The following WASHC2A variants were observed in gnomAD, a reference collection of about 807,000 sequenced individuals.
WASHC2A encodes WASH complex subunit FAM21A.
WASHC2A carries 82 observed loss-of-function variants against 140.3 expected under a neutral mutation model. The ratio of observed to expected loss-of-function variants is 0.58; its 90% CI spans 0.49 to 0.70. The LOEUF (loss-of-function observed/expected upper bound fraction) is 0.70, where lower values mean the gene tolerates loss of function less well. Ranked by LOEUF, WASHC2A falls within the 30% of genes least tolerant of loss-of-function variation. The pLI is 0.00. For missense variants in WASHC2A, 985 were observed against 1,521.8 expected (o/e 0.65, Z 5.87); for synonymous variants, 340 against 560.8 (o/e 0.61, Z 5.56).
intron 23 of WASHC2A, among the ~76,000 whole-genome samples, chr10:50,120,622 A>C (rs1421266045): frequency 5.4e-5 from 6 of 111,176 alleles, no homozygotes; most frequent in African/African-American, 2.0e-4. Context: ...CCATCTCAAA[A>C]AAAAAAAAAA....
intron 20 of WASHC2A, among the ~76,000 whole-genome samples, chr10:50,110,524 G>A (rs1284272543): frequency 6.6e-6 from 1 of 151,284 alleles, no homozygotes; most frequent in Non-Finnish European, 1.5e-5. Context: ...TGTTTGTCAG[G>A]GATTTGAGTA....
Position 50,117,546 on chromosome 10 carries a change from AG to A in WASHC2A, c.2143-359del, listed in dbSNP as rs543618542. Among the ~76,000 whole-genome samples, 659 of 145,358 alleles carry A rather than the reference AG, an allele frequency of 4.5e-3. 11 individuals carry two copies. The East Asian group carries it at 0.046, about 10-fold the overall frequency. ...CCTGATCCAGCAGGTGTTTTGTTTTAGCAAGACAACGCTGGATAATGTCTTC... is the reference window on the plus strand; with the variant it reads ...CCTGATCCAGCAGGTGTTTTGTTTTACAAGACAACGCTGGATAATGTCTTC... On this transcript the variant is annotated intron_variant, in intron 21 of 30. Transcript: ENST00000282633.
chr10:50,094,805 T>G (rs1840303568), intron 13 of WASHC2A, among the ~76,000 whole-genome samples: 1 of 151,094 alleles, frequency 6.6e-6, no homozygotes, highest in African/African-American at 2.4e-5. Flanking sequence ...CTGGAATGGG[T>G]AGAGGTGGAA....
chr10:50,078,844 G>A, intron 4 of WASHC2A, 107 bp downstream of exon 4: 1 of 1,608,504 alleles, frequency 6.2e-7, no homozygotes. Flanking sequence ...TTGGGAAAGG[G>A]AGGGACTGCT....
rs782622530 is a variant in WASHC2A at position 50,104,060 on chromosome 10, A to G, written c.1654A>G (p.Ser552Gly). 24 of 1,512,278 alleles carry G rather than the reference A, an allele frequency of 1.6e-5. 1 individual carries two copies. Among genetic ancestry groups the G allele is most frequent in the Non-Finnish European group, 2.1e-5 (23 of 1,095,820 alleles). 93.7% of individuals were successfully genotyped at this position (1,512,278 alleles called of 1,614,324 possible). Residue 552 changes from serine (S) to glycine (G), a missense_variant, in exon 18 of 31, where the codon AGT (serine) becomes GGT (glycine). Transcript: ENST00000282633. ...CCAACAGGATTTGTTTTCTTCTCAA[A>G]GTGCGAGTAAGTTAAAAGGTGCGTC... is the stretch of plus-strand genomic sequence containing the variant. ...EDSEDLFSSQ[S>G]ASKLKGASLL... is the part of the protein sequence containing the mutation.
intron 8 of WASHC2A, among the ~76,000 whole-genome samples, chr10:50,090,262 G>A (rs1168517484): frequency 9.3e-5 from 14 of 150,188 alleles, no homozygotes; most frequent in Non-Finnish European, 1.0e-4. Flanking sequence ...AGCAGTTTGG[G>A]AGGCTGAGGC....
chr10:50,081,736 G>A (rs1355609317), intron 5 of WASHC2A, among the ~76,000 whole-genome samples: 1 of 151,548 alleles, frequency 6.6e-6, no homozygotes, highest in Non-Finnish European at 1.5e-5. Context: ...GGGTTCAAGC[G>A]ATTCTCCTGC....
In WASHC2A at chr10:50,129,923, C is replaced by G; in HGVS notation, c.3592C>G (p.Pro1198Ala). The G allele has an allele frequency of 4.3e-6, 7 of 1,611,682 alleles. No homozygotes were observed. Among genetic ancestry groups the G allele is most frequent in the Non-Finnish European group, 5.9e-6 (7 of 1,179,736 alleles). The change falls in exon 29 of 31, where the codon CCC (proline) becomes GCC (alanine). Residue 1198 changes from proline to alanine, a missense_variant. Coordinates refer to ENST00000282633, the MANE Select transcript of WASHC2A (RefSeq NM_001005751.3). ...AKPKPAKKTN[P>A]FPLLEDEDDL... is the part of the protein sequence containing the mutation. Reference sequence around the variant, plus strand: ...ACCAAAACCAGCAAAGAAAACAAATCCCTTTCCTCTCCTGGAAGATGAGGA... The same window carrying G: ...ACCAAAACCAGCAAAGAAAACAAATGCCTTTCCTCTCCTGGAAGATGAGGA...
intron 23 of WASHC2A, among the ~76,000 whole-genome samples, chr10:50,120,187 A>G (rs1435274845): frequency 6.8e-6 from 1 of 148,120 alleles, no homozygotes; most frequent in African/African-American, 2.6e-5. Flanking sequence ...AAAGGACCAT[A>G]TAATGACTAT....
intron 20 of WASHC2A, among the ~76,000 whole-genome samples, chr10:50,113,051 A>G (rs1403651073): frequency 1.3e-5 from 2 of 152,160 alleles, no homozygotes; most frequent in Non-Finnish European, 2.9e-5. Context: ...TGGATTAAGA[A>G]AACCATTGAA....
At chr10:50,132,008 C>T (rs1170263385) in intron 30 of WASHC2A, among the ~76,000 whole-genome samples, 2 of 152,208 alleles carry the variant, frequency 1.3e-5, no homozygotes, top group Non-Finnish European at 2.9e-5. Context: ...AATATATACC[C>T]ACCTTTTTAA....
chr10:50,127,964 C>T (rs1843591796), intron 28 of WASHC2A, among the ~76,000 whole-genome samples, 169 bp downstream of exon 28: 1 of 152,128 alleles, frequency 6.6e-6, no homozygotes, highest in Non-Finnish European at 1.5e-5. Context: ...CCCCCCTCAT[C>T]CTGCACCTGC....
rs1281197972 is a variant in WASHC2A, at chr10:50,120,418, G to A, written c.2478+649G>A. Among the ~76,000 whole-genome samples, 18 of 146,314 alleles carry A rather than the reference G, an allele frequency of 1.2e-4. 1 individual carries two copies. The highest frequency in any genetic ancestry group is 3.8e-4 in the African/African-American group (14 of 37,026). ...GGGTGGATCACAAGGTCAAGAGATCGAGACCATCCTGGCCAACATAATGAA... is the reference window on the plus strand; with the variant it reads ...GGGTGGATCACAAGGTCAAGAGATCAAGACCATCCTGGCCAACATAATGAA... On this transcript the variant is annotated intron_variant, in intron 23 of 30. Transcript: ENST00000282633.
chr10:50,089,128 C>T (rs1839652360), intron 8 of WASHC2A, among the ~76,000 whole-genome samples: 2 of 150,330 alleles, frequency 1.3e-5, no homozygotes, highest in South Asian at 4.2e-4. Context: ...CCATGCCCAG[C>T]TAGTTTTTGT....
intron 19 of WASHC2A, among the ~76,000 whole-genome samples, chr10:50,109,275 C>T (rs1443695947): frequency 2.0e-5 from 3 of 152,200 alleles, no homozygotes; most frequent in African/African-American, 7.2e-5. Context: ...GTAGAATTTC[C>T]TTAAATGCTT....
chr10:50,090,517 T>A (rs200789949), intron 8 of WASHC2A, among the ~76,000 whole-genome samples: 32,821 of 99,110 alleles, frequency 0.33, 5,069 homozygotes, highest in Non-Finnish European at 0.45. Context: ...AAAAAAAAAA[T>A]ATATATATAT....
chr10:50,080,060 CTA>C (rs1451354987), intron 4 of WASHC2A, among the ~76,000 whole-genome samples: 3 of 151,748 alleles, frequency 2.0e-5, no homozygotes, highest in Admixed American at 1.3e-4. Flanking sequence ...GGAAATGACA[CTA>C]AATATTTTTC....
chr10:50,073,347 T>G (rs377332945), intron 3 of WASHC2A, among the ~76,000 whole-genome samples: 1 of 152,136 alleles, frequency 6.6e-6, no homozygotes, highest in African/African-American at 2.4e-5. Flanking sequence ...ATTTTTTTTG[T>G]GAAAAGCCAG....
At chr10:50,079,404 T>A (rs1345791029) in intron 4 of WASHC2A, among the ~76,000 whole-genome samples, 7 of 152,200 alleles carry the variant, frequency 4.6e-5, no homozygotes, top group Non-Finnish European at 8.8e-5. Context: ...TTTAAAAAAA[T>A]TTTTTATTTT....
Sources: gnomAD v4.1 joint callset for allele counts (sites outside exome capture counted in the v4.1 genomes callset) on GRCh38, gnomAD v4.1.1 for gene constraint, MANE v1.5 for transcripts, NCBI Gene and HGNC (gene_info 2026-07-23, HGNC 2026-07-21) for gene names.